Variants in NOP14 observed in about 807,000 individuals in gnomAD.
NOP14 encodes NOP14 nucleolar protein.
NOP14 carries 57 observed loss-of-function variants against 101.6 expected under a neutral mutation model. That is an observed-to-expected ratio of 0.56 (90% CI 0.45 to 0.70). The LOEUF is 0.70. NOP14 is among the 30% of genes least tolerant of loss of function. The probability of loss-of-function intolerance (pLI) is 0.00; values close to 1 mark genes in which losing one functional copy is unlikely to be tolerated. For missense variants in NOP14, 1,134 were observed against 1,075.5 expected, an observed-to-expected ratio of 1.05 and a Z score of -0.76; for synonymous variants, 428 against 424.0, an observed-to-expected ratio of 1.01 and a Z score of -0.12.
At chr4:2,959,876 A>G (rs555827424) in intron 1 of NOP14, among the ~76,000 whole-genome samples, 15 of 152,338 alleles carry the variant, frequency 9.8e-5, no homozygotes, top group African/African-American at 3.1e-4. Flanking sequence ...CACAAGGTCT[A>G]GCTGGCAATC....
In NOP14 at chr4:2,938,696, C is replaced by T. The variant is rs1443532733; in HGVS notation, c.*135G>A. ...AATTTTTATGTTTTTTTGGTAGAGA[C>T]GGGGTCTTCCTGTGTTGCCCAGGCT... is the stretch of plus-strand genomic sequence containing the variant. On this transcript the variant is annotated 3_prime_UTR_variant, in exon 18 of 18. Transcript: ENST00000416614. The T allele has an allele frequency of 5.6e-5, 37 of 663,486 alleles. No homozygotes were observed. The East Asian group carries it at 6.4e-4, about 11-fold the overall frequency. 41.1% of individuals were successfully genotyped at this position (663,486 alleles called of 1,614,324 possible).
At chr4:2,940,808 GT>G (rs1347301643) in intron 15 of NOP14, 1 of 152,632 alleles carries the variant, frequency 6.6e-6, no homozygotes, top group African/African-American at 2.4e-5. Context: ...GCTGTGGGGA[GT>G]TCTAGGTGCA....
Position 2,939,523 on chromosome 4 carries a change from C to T in NOP14, c.2318+4G>A. The T allele has an allele frequency of 5.6e-6, 9 of 1,612,990 alleles. No homozygotes were observed. Among genetic ancestry groups the T allele is most frequent in the Non-Finnish European group, 7.6e-6 (9 of 1,179,280 alleles). ...CCTCCCAGGGAGATGCTGCCAGCAC[C>T]CACACTTTGACCAGCCGGGGTGTGA... is the stretch of plus-strand genomic sequence containing the variant. On this transcript the variant is annotated splice_donor_region_variant and intron_variant, in intron 16 of 17. Coordinates refer to ENST00000416614, the MANE Select transcript of NOP14 (RefSeq NM_001291978.2).
chr4:2,938,169 C>T lies in NOP14; in HGVS notation c.*662G>A, dbSNP rs940484590. 8 of 1,283,272 alleles carry T rather than the reference C, an allele frequency of 6.2e-6. No individual in the cohort carries two copies. The East Asian group carries it at 2.2e-4, about 36-fold the overall frequency. 79.5% of individuals were successfully genotyped at this position (1,283,272 alleles called of 1,614,324 possible). ...TGACGTTTTAACAGAAACAAAACCG[C>T]AGGCAGCGGGTGGGGGGAGCTGGAG... On this transcript the variant is annotated 3_prime_UTR_variant, in exon 18 of 18. Coordinates refer to ENST00000416614, the MANE Select transcript of NOP14 (RefSeq NM_001291978.2).
intron 8 of NOP14, among the ~76,000 whole-genome samples, chr4:2,949,680 A>T (rs1423780573): frequency 6.6e-6 from 1 of 152,134 alleles, no homozygotes; most frequent in Non-Finnish European, 1.5e-5. Flanking sequence ...ACTAAAAGGG[A>T]GGTGAAGGTA....
At position 2,954,532 on chromosome 4, in the gene NOP14, G is replaced by A. The variant is rs375727243; in HGVS notation, c.504C>T (p.Gly168=). ...AELTAAHFGG[G]GGLLHKKTQQ... is the part of the protein sequence containing the mutation. ...GAGTCTTCTTGTGAAGGAGCCCACC[G>A]CCTCCTCCAAAGTGGGCAGCAGTCA... is the stretch of plus-strand genomic sequence containing the variant. The change falls in exon 4 of 18, where the codon GGC becomes GGT. Residue 168 remains glycine, a synonymous_variant. Coordinates refer to ENST00000416614, the MANE Select transcript of NOP14 (RefSeq NM_001291978.2). The A allele has an allele frequency of 1.7e-5, 27 of 1,613,918 alleles. No homozygotes were observed. Among genetic ancestry groups the A allele is most frequent in the South Asian group, 6.6e-5 (6 of 91,070 alleles).
chr4:2,942,853 C>T (rs1053621135), intron 13 of NOP14, among the ~76,000 whole-genome samples: 1 of 151,832 alleles, frequency 6.6e-6, no homozygotes, highest in African/African-American at 2.4e-5. Context: ...ACGCAGGAGT[C>T]AATTCACTCG....
At chr4:2,945,859 G>A (rs1298030719) in intron 11 of NOP14, among the ~76,000 whole-genome samples, 4 of 152,326 alleles carry the variant, frequency 2.6e-5, no homozygotes, top group East Asian at 1.9e-4. Context: ...CGACCCACAC[G>A]TTAGTCCATG....
intron 8 of NOP14, among the ~76,000 whole-genome samples, chr4:2,948,962 T>C (rs1381372882): frequency 6.6e-6 from 1 of 152,074 alleles, no homozygotes; most frequent in Non-Finnish European, 1.5e-5. Context: ...CACCTTTCCT[T>C]GATTAGGAAT....
At chr4:2,946,786 CGTT>C (rs1420193439) in intron 10 of NOP14, 29 of 518,686 alleles carry the variant, frequency 5.6e-5, no homozygotes, top group Non-Finnish European at 9.4e-5. Context: ...GTGGTACAGA[CGTT>C]GTTGGGGGCA....
At position 2,950,195 on chromosome 4, in the gene NOP14, C is replaced by T. The variant is rs533271325; in HGVS notation, c.1021G>A (p.Glu341Lys). 10 of 1,613,834 alleles carry T rather than the reference C, an allele frequency of 6.2e-6. No homozygotes were observed. The highest frequency in any genetic ancestry group is 5.3e-5 in the African/African-American group (4 of 75,038). ...CTTTGCTCTTCCTGGACATCTTCCT[C>T]GACATTCATCTTTCCATCCTACCAA... ...LSYKDGKMNV[E>K]EDVQEEQSKE... The change falls in exon 8 of 18, where the codon GAG (glutamate) becomes AAG (lysine). Residue 341 changes from glutamate to lysine, a missense_variant. Glu to Lys is a moderately conservative substitution (Grantham distance 56, BLOSUM62 1). Coordinates refer to ENST00000416614, the MANE Select transcript of NOP14 (RefSeq NM_001291978.2).
chr4:2,951,293 T>C lies in NOP14; in HGVS notation c.871-48A>G, dbSNP rs563256164. On this transcript the variant is annotated intron_variant, in intron 6 of 17. Coordinates refer to ENST00000416614, the MANE Select transcript of NOP14 (RefSeq NM_001291978.2). Reference sequence around the variant, plus strand: ...TCTTAGAGCACACTCTTCCAACATATGGTGAGGGGGCCGTGCAGTCCTGCC... The same window carrying C: ...TCTTAGAGCACACTCTTCCAACATACGGTGAGGGGGCCGTGCAGTCCTGCC... 3.1e-6 allele frequency: 5 copies of C among 1,594,430 alleles called. No homozygotes were observed. In the African/African-American group the frequency reaches 5.4e-5, roughly 17 times the overall value.
At chr4:2,947,686 G>C (rs1425276539) in intron 9 of NOP14, 75 bp from the exon 10 acceptor site, 7 of 1,206,970 alleles carry the variant, frequency 5.8e-6, no homozygotes, top group Non-Finnish European at 8.6e-6. Context: ...ACAGCTTCTG[G>C]ATCACGTACA....
intron 8 of NOP14, among the ~76,000 whole-genome samples, chr4:2,948,940 G>C (rs1035534724): frequency 6.6e-6 from 1 of 152,176 alleles, no homozygotes; most frequent in African/African-American, 2.4e-5. Context: ...GGCTAATAAG[G>C]AAATGCCCTC....
In NOP14 at chr4:2,938,761, G is replaced by A. The variant is rs1373644181; in HGVS notation, c.*70C>T. The A allele has an allele frequency of 7.7e-7, 1 of 1,294,960 alleles. No individual in the cohort carries two copies. Among genetic ancestry groups the A allele is most frequent in the South Asian group, 1.2e-5 (1 of 80,544 alleles). The allele number at this position is 1,294,960 out of a possible 1,614,324, so 80.2% of individuals were successfully genotyped here. On this transcript the variant is annotated 3_prime_UTR_variant, in exon 18 of 18. Coordinates refer to ENST00000416614, the MANE Select transcript of NOP14 (RefSeq NM_001291978.2). The stretch of plus-strand genomic sequence containing the variant: ...GGGCTGAAGCAATCTTCCTGCCTTG[G>A]CCTCCCAGAGGGTTGGAATTGCAGA...
At chr4:2,954,925 C>G (rs1715239077) in intron 3 of NOP14, among the ~76,000 whole-genome samples, 1 of 152,106 alleles carries the variant, frequency 6.6e-6, no homozygotes, top group Non-Finnish European at 1.5e-5. Context: ...GTGGTGCAAT[C>G]TGTGTCCCTC....
Position 2,963,314 on chromosome 4 carries a change from C to A in NOP14, c.6G>T (p.Ala2=), listed in dbSNP as rs376807087. M[A]KAKKVGARRK... The stretch of plus-strand genomic sequence containing the variant: ...TTCGCGCCCCGACCTTCTTCGCCTT[C>A]GCCATGGCGCGCGCCCCGCTGCGCC... Residue 2 remains alanine, a synonymous_variant, in exon 1 of 18, where the codon GCG becomes GCT. Coordinates refer to ENST00000416614, the MANE Select transcript of NOP14 (RefSeq NM_001291978.2). 4.9e-5 allele frequency: 77 copies of A among 1,575,854 alleles called. 2 individuals carry two copies. Among genetic ancestry groups the A allele is most frequent in the East Asian group, 1.7e-4 (7 of 41,426 alleles).
rs1229751991 is a variant in NOP14 at position 2,942,377 on chromosome 4, A to G, written c.1892-26T>C. ...CTGAATTCCAAGTGCGACAGGACAG[A>G]GATGGCCTGAACATTACTGGGCTCC... On this transcript the variant is annotated intron_variant, in intron 13 of 17. Transcript: ENST00000416614. 1.9e-6 allele frequency: 3 copies of G among 1,606,948 alleles called. No homozygotes were observed. In the South Asian group the frequency reaches 3.3e-5, roughly 18 times the overall value.
chr4:2,947,805 AG>A (rs1560300455), intron 9 of NOP14, 194 bp from the exon 10 acceptor site: 1 of 606,200 alleles, frequency 1.6e-6, no homozygotes, highest in Non-Finnish European at 2.9e-6. Context: ...TAGAAGGTGT[AG>A]GGGGGAGAAA....
Sources: allele counts gnomAD v4.1 joint callset (sites outside exome capture counted in the v4.1 genomes callset), GRCh38; gene constraint gnomAD v4.1.1; transcripts MANE v1.5; gene names NCBI Gene and HGNC (gene_info 2026-07-23, HGNC 2026-07-21).